Variants in RGN observed in about 807,000 individuals in gnomAD.
RGN encodes epididymis secretory protein Li 41.
A neutral mutation model predicts 20.6 loss-of-function variants in RGN; 19 were observed. That is an observed-to-expected ratio of 0.92 (90% CI 0.64 to 1.35). The LOEUF is 1.35. Among genes scored for constraint, RGN ranks in the 40% most tolerant of loss-of-function variants. The pLI, the probability that RGN is intolerant of heterozygous loss-of-function variation, is 0.00. For missense variants in RGN, 302 were observed against 232.7 expected, an observed-to-expected ratio of 1.30 and a Z score of -1.94; for synonymous variants, 85 against 87.2, an observed-to-expected ratio of 0.97 and a Z score of 0.14.
intron 1 of RGN, among the ~76,000 whole-genome samples, chrX:47,079,278 C>A (rs1930173832): frequency 9.2e-6 from 1 of 108,893 alleles, no homozygotes; most frequent in Non-Finnish European, 1.9e-5. Flanking sequence ...TTTTTAATAG[C>A]CAAAAAACAT....
At chrX:47,089,579 TTATATA>T (rs1251687681) in intron 4 of RGN, among the ~76,000 whole-genome samples, 191 bp from the exon 5 acceptor site, 1 of 44,129 alleles carries the variant, frequency 2.3e-5, no homozygotes. Flanking sequence ...TATATATACT[TTATATA>T]TATATATATA....
chrX:47,084,258 C>G (rs781898113), intron 3 of RGN, among the ~76,000 whole-genome samples, 160 bp from the exon 4 acceptor site: 2 of 111,677 alleles, frequency 1.8e-5, no homozygotes, highest in South Asian at 7.6e-4. Context: ...AACAAATGTA[C>G]TAGGTTACAT....
At position 47,084,452 on chromosome X, in the gene RGN, G is replaced by C. The variant is rs145476160; in HGVS notation, c.198G>C (p.Ser66=). 5.0e-6 allele frequency: 6 copies of C among 1,203,049 alleles called. No individual in the cohort carries two copies. Among genetic ancestry groups the C allele is most frequent in the Non-Finnish European group, 6.7e-6 (6 of 891,558 alleles). The change falls in exon 4 of 8, where the codon TCG becomes TCC. Residue 66 remains serine, a synonymous_variant. Coordinates refer to ENST00000397180, the MANE Select transcript of RGN (RefSeq NM_152869.4). ...TCAGCTCCGTGGCTCTTCGCCAGTC[G>C]GGAGGCTATGTTGCCACCATTGGAA... ...APVSSVALRQ[S]GGYVATIGTK...
chrX:47,079,877 C>A (rs1193513553), intron 1 of RGN, among the ~76,000 whole-genome samples: 2 of 111,317 alleles, frequency 1.8e-5, no homozygotes, highest in Non-Finnish European at 3.8e-5. Context: ...GATGAAGATG[C>A]AGGCCATTTT....
In RGN at chrX:47,081,237, T is replaced by C. The variant is rs1930285026; in HGVS notation, c.93T>C (p.Phe31=). The C allele has an allele frequency of 8.3e-6, 10 of 1,209,697 alleles. No individual in the cohort carries two copies. Among genetic ancestry groups the C allele is most frequent in the Non-Finnish European group, 1.1e-5 (10 of 893,770 alleles). Residue 31 remains phenylalanine, a synonymous_variant, in exon 3 of 8, where the codon TTT becomes TTC. Coordinates refer to ENST00000397180, the MANE Select transcript of RGN (RefSeq NM_152869.4). ...VWEEVSNSLL[F]VDIPAKKVCR... is the part of the protein sequence containing the mutation. ...AGGAAGTGTCCAACTCTCTGCTCTT[T>C]GTAGACATTCCTGCAAAAAAGGTTT...
At chrX:47,080,095 C>A (rs1312350744) in intron 1 of RGN, among the ~76,000 whole-genome samples, 1 of 111,477 alleles carries the variant, frequency 9.0e-6, no homozygotes, top group African/African-American at 3.3e-5. Context: ...GTTGCCCACA[C>A]CAGTCCCAGA....
Position 47,093,106 on chromosome X carries a change from G to T in RGN, c.*159G>T. The T allele has an allele frequency of 2.2e-6, 1 of 456,429 alleles. No individual in the cohort carries two copies. The highest frequency in any genetic ancestry group is 3.4e-5 in the South Asian group (1 of 29,144). 37.6% of individuals were successfully genotyped at this position (456,429 alleles called of 1,213,427 possible). Reference sequence around the variant, plus strand: ...TTAAAAGGCAGAGCATTTTTAACAAGGGGTGACAGGTGGTTTTGATAACAC... The same window carrying T: ...TTAAAAGGCAGAGCATTTTTAACAATGGGTGACAGGTGGTTTTGATAACAC... On this transcript the variant is annotated 3_prime_UTR_variant, in exon 8 of 8. Transcript: ENST00000397180.
chrX:47,079,925 C>T (rs1302622951), intron 1 of RGN, among the ~76,000 whole-genome samples: 2 of 111,134 alleles, frequency 1.8e-5, no homozygotes, highest in Non-Finnish European at 3.8e-5. Flanking sequence ...GCTCTGTTGC[C>T]CAGGCTGGAG....
At chrX:47,083,097 T>C (rs959646382) in intron 3 of RGN, among the ~76,000 whole-genome samples, 7 of 111,134 alleles carry the variant, frequency 6.3e-5, no homozygotes, top group Non-Finnish European at 9.4e-5. Context: ...ATAAAATAAA[T>C]TTAAAAAAAA....
At chrX:47,087,593 A>G (rs1930652121) in intron 4 of RGN, 1 of 109,731 alleles carries the variant, frequency 9.1e-6, no homozygotes, top group African/African-American at 3.3e-5. Context: ...ATGCAAATGC[A>G]TGAAGAGCTC....
At position 47,079,006 on chromosome X, in the gene RGN, C is replaced by A. The variant is rs781848198; in HGVS notation, c.-636+297C>A. Among the ~76,000 whole-genome samples the A allele has an allele frequency of 6.7e-5, 6 of 89,681 alleles. No individual in the cohort carries two copies. The South Asian group carries it at 3.4e-3, about 51-fold the overall frequency. The allele number at this position is 89,681 out of a possible 115,157, so 77.9% of individuals were successfully genotyped here. A position where few individuals can be genotyped will look rare whatever the true frequency, so the allele number is the denominator to read the frequency against. ...ACAAGGTCTCAGTCTGTCGCCCAGG[C>A]TGGAGCGCCATGGCCCAATCTCAGC... is the stretch of plus-strand genomic sequence containing the variant. On this transcript the variant is annotated intron_variant, in intron 1 of 7. Coordinates refer to ENST00000397180, the MANE Select transcript of RGN (RefSeq NM_152869.4).
intron 3 of RGN, among the ~76,000 whole-genome samples, chrX:47,081,759 C>A (rs1173052905): frequency 6.3e-5 from 7 of 111,144 alleles, no homozygotes; most frequent in Non-Finnish European, 1.9e-5. Context: ...GTTGCCCAGG[C>A]TAGTCTCAAA....
At chrX:47,087,392 C>G (rs781911799) in intron 4 of RGN, 4 of 111,600 alleles carry the variant, frequency 3.6e-5, no homozygotes, top group Non-Finnish European at 7.5e-5. Context: ...AGATGAGAAT[C>G]TGTTGGAAGC....
In RGN at chrX:47,080,599, A is replaced by C. The variant is rs1183692045; in HGVS notation, c.-353A>C. The C allele has an allele frequency of 1.8e-5, 2 of 112,837 alleles. No individual in the cohort carries two copies. The highest frequency in any genetic ancestry group is 3.7e-5 in the Non-Finnish European group (2 of 53,645). 9.3% of individuals were successfully genotyped at this position (112,837 alleles called of 1,213,427 possible). A position where few individuals can be genotyped will look rare whatever the true frequency, so the allele number is the denominator to read the frequency against. On this transcript the variant is annotated 5_prime_UTR_variant, in exon 2 of 8. Coordinates refer to ENST00000397180, the MANE Select transcript of RGN (RefSeq NM_152869.4). The stretch of plus-strand genomic sequence containing the variant: ...ATAGTCCTAAAAATGCAGTTCATAA[A>C]AATCAACCACACAGAGAAGAAAAAT...
At chrX:47,082,068 T>G (rs1930351046) in intron 3 of RGN, among the ~76,000 whole-genome samples, 1 of 111,885 alleles carries the variant, frequency 8.9e-6, no homozygotes, top group African/African-American at 3.2e-5. Context: ...CGTCTTTGTT[T>G]ACTGCACAAA....
Position 47,091,337 on chromosome X carries a change from G to A in RGN, c.563-341G>A, listed in dbSNP as rs147045438. On this transcript the variant is annotated intron_variant, in intron 5 of 7. Transcript: ENST00000397180. ...TCTCAAGAGTTTTGTAACTGAAACA[G>A]CAAAGGTCTAACCACAAGCTGACAT... Among the ~76,000 whole-genome samples, 738 of 112,022 alleles carry A rather than the reference G, an allele frequency of 6.6e-3. 6 individuals are homozygous for A. Among genetic ancestry groups the A allele is most frequent in the African/African-American group, 0.023 (715 of 30,856 alleles).
chrX:47,088,167 G>A (rs781985926), intron 4 of RGN, among the ~76,000 whole-genome samples: 2 of 106,417 alleles, frequency 1.9e-5, no homozygotes, highest in Non-Finnish European at 3.8e-5. Context: ...AAAAGGTGGG[G>A]TTATCTTATA....
intron 4 of RGN, among the ~76,000 whole-genome samples, chrX:47,086,784 AAAGAG>A (rs1930619755): frequency 1.3e-5 from 1 of 78,112 alleles, no homozygotes; most frequent in African/African-American, 5.8e-5. Context: ...AGAGAGAGAG[AAAGAG>A]AGAGAGAACG....
intron 1 of RGN, among the ~76,000 whole-genome samples, chrX:47,079,672 C>A (rs782480636): frequency 9.0e-6 from 1 of 110,543 alleles, no homozygotes; most frequent in Non-Finnish European, 1.9e-5. Flanking sequence ...ACCTCATGAT[C>A]CACCCAGCTC....
Sources: allele counts gnomAD v4.1 joint callset (sites outside exome capture counted in the v4.1 genomes callset), GRCh38; gene constraint gnomAD v4.1.1; transcripts MANE v1.5; gene names NCBI Gene and HGNC (gene_info 2026-07-23, HGNC 2026-07-21).